Variants in AHI1 observed in about 807,000 individuals in gnomAD.
The protein encoded by AHI1 is jouberin.
Under a neutral mutation model 149.3 loss-of-function variants are expected in AHI1, and 123 were observed. The ratio of observed to expected loss-of-function variants is 0.82; its 90% confidence interval spans 0.71 to 0.96. The LOEUF (loss-of-function observed/expected upper bound fraction) is 0.96. AHI1 is among the 40% of genes least tolerant of loss of function. AHI1 has a pLI of 0.00. For missense variants in AHI1, 1,439 were observed against 1,422.7 expected (o/e 1.01, Z -0.18); for synonymous variants, 475 against 459.8 (o/e 1.03, Z -0.42).
intron 21 of AHI1, among the ~76,000 whole-genome samples, chr6:135,408,697 G>A (rs1423984736): frequency 6.6e-6 from 1 of 152,092 alleles, no homozygotes; most frequent in African/African-American, 2.4e-5. Flanking sequence ...ATCTATCAAG[G>A]AAGCAAGAAA....
At chr6:135,398,640 G>T (rs1489972295) in intron 22 of AHI1, among the ~76,000 whole-genome samples, 1 of 152,146 alleles carries the variant, frequency 6.6e-6, no homozygotes, top group Non-Finnish European at 1.5e-5. Flanking sequence ...ATTCTTTAGG[G>T]TAAAGCAATT....
chr6:135,294,332 AAACAAAAC>A (rs1274679360), intron 27 of AHI1, among the ~76,000 whole-genome samples: 1 of 150,306 alleles, frequency 6.7e-6, no homozygotes, highest in African/African-American at 2.4e-5. Context: ...TCTCAAAACA[AAACAAAAC>A]AAAACAAAAC....
At chr6:135,347,142 G>A (rs899840928) in intron 24 of AHI1, among the ~76,000 whole-genome samples, 1 of 152,210 alleles carries the variant, frequency 6.6e-6, no homozygotes, top group African/African-American at 2.4e-5. Flanking sequence ...TTAAGAAGGA[G>A]GAAATCAAGG....
At chr6:135,402,943 G>C (rs1780230899) in intron 22 of AHI1, among the ~76,000 whole-genome samples, 1 of 152,084 alleles carries the variant, frequency 6.6e-6, no homozygotes, top group Non-Finnish European at 1.5e-5. Context: ...TGCACAGGTG[G>C]TTGGTCCCCC....
chr6:135,467,591 G>T lies in AHI1; in HGVS notation c.179C>A (p.Thr60Lys). Residue 60 changes from threonine (T) to lysine (K), a missense_variant, in exon 6 of 29, where the codon ACA becomes AAA. Coordinates refer to ENST00000265602, the MANE Select transcript of AHI1 (RefSeq NM_001134831.2). The part of the protein sequence containing the change: ...RSNLHYMKET[T>K]SDDPDTIRSN... ...GTTAGCAGTACTTACATCATCACTT[G>T]TAGTTTCTTTCATATAGTGAAGATT... 3 of 1,609,304 alleles carry T rather than the reference G, an allele frequency of 1.9e-6. No homozygotes were observed. The highest frequency in any genetic ancestry group is 2.2e-5 in the South Asian group (2 of 90,794).
intron 4 of AHI1, 149 bp from the exon 5 acceptor site, chr6:135,490,896 A>G (rs1405283454): frequency 9.5e-7 from 1 of 1,053,076 alleles, no homozygotes; most frequent in African/African-American, 1.6e-5. Flanking sequence ...TCCTTCTTAA[A>G]ATATTTTTTA....
At chr6:135,371,165 T>C (rs1342190404) in intron 23 of AHI1, among the ~76,000 whole-genome samples, 1 of 152,240 alleles carries the variant, frequency 6.6e-6, no homozygotes, top group African/African-American at 2.4e-5. Context: ...AGAAAACACC[T>C]AATTTTTTCC....
At chr6:135,496,360 C>T (rs1795962912) in intron 2 of AHI1, among the ~76,000 whole-genome samples, 3 of 152,142 alleles carry the variant, frequency 2.0e-5, no homozygotes, top group African/African-American at 7.2e-5. Flanking sequence ...TCAAGTGATC[C>T]ACCCACTTTA....
chr6:135,422,067 T>C (rs1288466034), intron 20 of AHI1, among the ~76,000 whole-genome samples: 1 of 152,210 alleles, frequency 6.6e-6, no homozygotes, highest in African/African-American at 2.4e-5. Context: ...AGATGTATCG[T>C]ATGTACATCG....
intron 23 of AHI1, among the ~76,000 whole-genome samples, chr6:135,392,437 T>C (rs938100922): frequency 5.3e-5 from 8 of 152,270 alleles, no homozygotes; most frequent in African/African-American, 9.6e-5. Context: ...CCCACTTACA[T>C]ATATATAAAA....
At chr6:135,375,780 A>C (rs922744709) in intron 23 of AHI1, among the ~76,000 whole-genome samples, 9 of 152,256 alleles carry the variant, frequency 5.9e-5, no homozygotes, top group African/African-American at 1.9e-4. Flanking sequence ...ATTCCCCAAT[A>C]GCAATGAGTG....
intron 5 of AHI1, chr6:135,489,936 T>A (rs1795017531): frequency 5.7e-6 from 2 of 348,102 alleles, no homozygotes; most frequent in Non-Finnish European, 1.0e-5. Context: ...CACAAGAGCC[T>A]GTTTATTTTT....
chr6:135,345,439 A>C (rs1433449514), intron 24 of AHI1, among the ~76,000 whole-genome samples: 1 of 152,218 alleles, frequency 6.6e-6, no homozygotes, highest in African/African-American at 2.4e-5. Context: ...TCAGTGAATT[A>C]ATGGATAAAA....
At chr6:135,493,465 C>T (rs1361994825) in intron 3 of AHI1, among the ~76,000 whole-genome samples, 1 of 152,182 alleles carries the variant, frequency 6.6e-6, no homozygotes, top group Non-Finnish European at 1.5e-5. Context: ...AAACAGACAT[C>T]ACTAAATCCA....
intron 5 of AHI1, among the ~76,000 whole-genome samples, chr6:135,478,709 TAAAG>T (rs1046924091): frequency 2.0e-5 from 3 of 152,150 alleles, no homozygotes; most frequent in Admixed American, 6.5e-5. Flanking sequence ...TGTGCACAAA[TAAAG>T]AAAAGCCAAA....
intron 23 of AHI1, among the ~76,000 whole-genome samples, chr6:135,371,168 T>C (rs1775002210): frequency 6.6e-6 from 1 of 152,226 alleles, no homozygotes; most frequent in Non-Finnish European, 1.5e-5. Flanking sequence ...AAACACCTAA[T>C]TTTTTCCTCT....
At chr6:135,496,932 A>G (rs1796042755) in intron 2 of AHI1, among the ~76,000 whole-genome samples, 1 of 152,260 alleles carries the variant, frequency 6.6e-6, no homozygotes, top group Non-Finnish European at 1.5e-5. Flanking sequence ...AGTACTCATA[A>G]GAAGCAATCT....
chr6:135,351,135 C>CAA (rs1183574427), intron 24 of AHI1, among the ~76,000 whole-genome samples: 7 of 131,378 alleles, frequency 5.3e-5, no homozygotes, highest in African/African-American at 2.0e-4. Context: ...AAACAAAAAA[C>CAA]AAAAAAAACA....
intron 25 of AHI1, among the ~76,000 whole-genome samples, chr6:135,322,397 T>C (rs1310955386): frequency 1.3e-5 from 2 of 152,226 alleles, no homozygotes; most frequent in African/African-American, 4.8e-5. Context: ...CTCTCTGCGT[T>C]CGTTCTGTTT....
Sources: allele counts gnomAD v4.1 joint callset (sites outside exome capture counted in the v4.1 genomes callset), GRCh38; gene constraint gnomAD v4.1.1; transcripts MANE v1.5; gene names NCBI Gene and HGNC (gene_info 2026-07-23, HGNC 2026-07-21).